EML5: variants seen among roughly 807,000 people sequenced by gnomAD.
EML5 encodes the protein echinoderm microtubule-associated protein-like 5.
A neutral mutation model predicts 250.0 loss-of-function variants in EML5; 120 were observed. That is an observed-to-expected ratio of 0.48 (90% CI 0.41 to 0.56). The LOEUF is 0.56. EML5 is among the 20% of genes least tolerant of loss of function. EML5 has a pLI of 0.00. For synonymous variants in EML5, 771 were observed against 806.5 expected, an observed-to-expected ratio of 0.96 and a Z score of 0.75; for missense variants, 2,006 against 2,437.6, an observed-to-expected ratio of 0.82 and a Z score of 3.73.
At chr14:88,682,743 T>C (rs1017391899) in intron 20 of EML5, among the ~76,000 whole-genome samples, 3 of 152,210 alleles carry the variant, frequency 2.0e-5, no homozygotes, top group Non-Finnish European at 4.4e-5. Flanking sequence ...AGGTGGGAGA[T>C]AACTTCTGCC....
intron 1 of EML5, among the ~76,000 whole-genome samples, chr14:88,782,995 C>T (rs2094512501): frequency 6.6e-6 from 1 of 152,096 alleles, no homozygotes; most frequent in East Asian, 1.9e-4. Context: ...AGAAGAATCG[C>T]TTGAACCCAA....
intron 39 of EML5, 157 bp from the exon 40 acceptor site, chr14:88,618,969 G>T: frequency 1.8e-6 from 1 of 566,334 alleles, no homozygotes; most frequent in Non-Finnish European, 2.8e-6. Context: ...TACTGAGATT[G>T]TCTGGGTTAC....
chr14:88,664,461 T>G, intron 23 of EML5, 32 bp downstream of exon 23: 1 of 1,556,584 alleles, frequency 6.4e-7, no homozygotes, highest in Non-Finnish European at 8.7e-7. Context: ...AAATGAAACT[T>G]TTATCAAGTA....
chr14:88,705,537 A>T lies in EML5; in HGVS notation c.1877T>A (p.Val626Asp), dbSNP rs1566667858. Residue 626 changes from valine to aspartate, a missense_variant, in exon 12 of 44, where the codon GTT becomes GAT. Coordinates refer to ENST00000554922, the MANE Select transcript of EML5 (RefSeq NM_183387.3). ...TTCAATTTCAGAATCCAGTTCTGGA[A>T]CATCAGACAGATCTGAATCTGATTC... is the stretch of plus-strand genomic sequence containing the variant. ...SDESDSDLSDVPELDSEIEQE... is the reference protein window; with the variant it reads ...SDESDSDLSDDPELDSEIEQE... 1 of 1,604,240 alleles carries T rather than the reference A, an allele frequency of 6.2e-7. No homozygotes were observed. Among genetic ancestry groups the T allele is most frequent in the East Asian group, 2.2e-5 (1 of 44,704 alleles).
In EML5 at chr14:88,627,640, T is replaced by C. The variant is rs763679117; in HGVS notation, c.4531+6A>G. On this transcript the variant is annotated splice_donor_region_variant and intron_variant, in intron 34 of 43. Coordinates refer to ENST00000554922, the MANE Select transcript of EML5 (RefSeq NM_183387.3). ...TTTAAAAATCAAACACACAAAAGAA[T>C]CCTACCTTCCTGCCATCTCCAAATG... 3.8e-6 allele frequency: 6 copies of C among 1,588,732 alleles called. No individual in the cohort carries two copies. The highest frequency in any genetic ancestry group is 1.2e-5 in the South Asian group (1 of 85,952).
intron 14 of EML5, among the ~76,000 whole-genome samples, chr14:88,699,843 G>A (rs1198393509): frequency 6.6e-6 from 1 of 152,148 alleles, no homozygotes; most frequent in Non-Finnish European, 1.5e-5. Flanking sequence ...ACGAAACGAT[G>A]AACAGGTTTG....
chr14:88,650,054 C>G (rs1172809017), intron 27 of EML5, 128 bp from the exon 28 acceptor site: 1 of 566,870 alleles, frequency 1.8e-6, no homozygotes, highest in Non-Finnish European at 2.9e-6. Flanking sequence ...ACAAAAATGT[C>G]TAACTTATGT....
At chr14:88,728,893 C>T (rs1210784410) in intron 7 of EML5, among the ~76,000 whole-genome samples, 2 of 151,988 alleles carry the variant, frequency 1.3e-5, no homozygotes, top group Non-Finnish European at 2.9e-5. Context: ...AATAAATAGG[C>T]ATCTACCCCC....
intron 42 of EML5, 178 bp downstream of exon 42, chr14:88,616,548 T>C: frequency 1.6e-6 from 1 of 642,370 alleles, no homozygotes; most frequent in Non-Finnish European, 2.6e-6. Flanking sequence ...AAGATGGTAT[T>C]ACTCGAGGGA....
chr14:88,706,476 A>G (rs1012658929), intron 10 of EML5, 50 bp from the exon 11 acceptor site: 2 of 1,310,204 alleles, frequency 1.5e-6, no homozygotes, highest in Non-Finnish European at 2.0e-6. Context: ...TAAACAAAAT[A>G]CCATTTCAAA....
chr14:88,691,855 C>G (rs540344800), intron 17 of EML5, among the ~76,000 whole-genome samples: 4 of 152,280 alleles, frequency 2.6e-5, no homozygotes, highest in Admixed American at 2.6e-4. Context: ...AACATTCATC[C>G]TTTTATGCTT....
Position 88,664,466 on chromosome 14 carries a change from CAAGTATT to C in EML5, c.3409+20_3409+26del, listed in dbSNP as rs2092246633. On this transcript the variant is annotated intron_variant, in intron 23 of 43. Transcript: ENST00000554922. The stretch of plus-strand genomic sequence containing the variant: ...ATACTAAATCAAATGAAACTTTTAT[CAAGTATT>C]AAGTTATTTAAAGTCTTACCTCTAA... 1 of 1,556,976 alleles carries C rather than the reference CAAGTATT, an allele frequency of 6.4e-7. No homozygotes were observed. Among genetic ancestry groups the C allele is most frequent in the African/African-American group, 1.4e-5 (1 of 72,232 alleles).
At chr14:88,652,135 A>G (rs927422844) in intron 27 of EML5, among the ~76,000 whole-genome samples, 11 of 152,166 alleles carry the variant, frequency 7.2e-5, no homozygotes, top group Admixed American at 5.9e-4. Context: ...AAGTACTTAG[A>G]TTATGGTATA....
At chr14:88,633,224 T>C (rs1296476170) in intron 33 of EML5, among the ~76,000 whole-genome samples, 6 of 152,212 alleles carry the variant, frequency 3.9e-5, no homozygotes, top group Non-Finnish European at 7.4e-5. Flanking sequence ...ATCTCATTTA[T>C]TGTTTTTAAC....
intron 7 of EML5, among the ~76,000 whole-genome samples, chr14:88,728,292 G>A (rs2093697871): frequency 6.6e-6 from 1 of 151,834 alleles, no homozygotes; most frequent in South Asian, 2.1e-4. Flanking sequence ...GTAATCTAGA[G>A]ATTTAAAGTA....
intron 19 of EML5, among the ~76,000 whole-genome samples, chr14:88,686,996 C>T (rs928962499): frequency 7.9e-5 from 12 of 152,166 alleles, no homozygotes; most frequent in African/African-American, 2.9e-4. Context: ...GATTCATAAT[C>T]TTGTATTTCA....
chr14:88,779,273 A>G (rs1047243142), intron 1 of EML5, among the ~76,000 whole-genome samples: 2 of 152,236 alleles, frequency 1.3e-5, no homozygotes, highest in Non-Finnish European at 2.9e-5. Flanking sequence ...AGCCATAAAG[A>G]AAAAGCGAAA....
intron 1 of EML5, among the ~76,000 whole-genome samples, chr14:88,786,163 T>G: frequency 6.6e-6 from 1 of 152,228 alleles, no homozygotes; most frequent in East Asian, 1.9e-4. Context: ...AGTCTCTACT[T>G]AAGTGTCACC....
intron 16 of EML5, 142 bp from the exon 17 acceptor site, chr14:88,694,549 G>C (rs2093032306): frequency 1.3e-5 from 8 of 624,328 alleles, no homozygotes; most frequent in Non-Finnish European, 2.2e-5. Flanking sequence ...CTGTGTATTT[G>C]TTCTTTTGTC....
Sources: gnomAD v4.1 joint callset for allele counts (sites outside exome capture counted in the v4.1 genomes callset) on GRCh38, gnomAD v4.1.1 for gene constraint, MANE v1.5 for transcripts, NCBI Gene and HGNC (gene_info 2026-07-23, HGNC 2026-07-21) for gene names.